TNC: variants seen among roughly 807,000 people sequenced by gnomAD.
TNC encodes tenascin.
In TNC, 109 loss-of-function variants were observed where a neutral mutation model predicts 202.4. The ratio of observed to expected loss-of-function variants is 0.54; its 90% confidence interval spans 0.46 to 0.63. The LOEUF (loss-of-function observed/expected upper bound fraction) is 0.63, where lower values mean the gene tolerates loss of function less well. Ranked by LOEUF, TNC falls within the 30% of genes least tolerant of loss-of-function variation. TNC has a pLI of 0.00. For synonymous variants in TNC, 1,007 were observed against 1,089.7 expected (o/e 0.92, Z 1.50); for missense variants, 2,756 against 2,833.3 (o/e 0.97, Z 0.62).
intron 26 of TNC, 136 bp downstream of exon 26, chr9:115,026,398 C>T (rs993060305): frequency 2.1e-6 from 2 of 941,974 alleles, no homozygotes; most frequent in African/African-American, 1.6e-5. Flanking sequence ...GATTGGCACT[C>T]AGTAGGTACT....
At chr9:115,035,114 A>T in intron 22 of TNC, 90 bp downstream of exon 22, 2 of 1,428,940 alleles carry the variant, frequency 1.4e-6, no homozygotes, top group Non-Finnish European at 1.9e-6. Context: ...GCACTGGGGT[A>T]GAAAAACAGC....
Position 115,077,935 on chromosome 9 carries a change from C to A in TNC, c.2674+8G>T. On this transcript the variant is annotated splice_region_variant and intron_variant, in intron 7 of 27. Coordinates refer to ENST00000350763, the MANE Select transcript of TNC (RefSeq NM_002160.4). ...TACTATATCTGTTAACAGGGGGAGG[C>A]CTTTTACCTGTTGTGAAGGTCTCTT... 1 of 1,612,904 alleles carries A rather than the reference C, an allele frequency of 6.2e-7. No homozygotes were observed. Among genetic ancestry groups the A allele is most frequent in the African/African-American group, 1.3e-5 (1 of 74,996 alleles).
At chr9:115,106,419 A>G (rs59939445) in intron 1 of TNC, among the ~76,000 whole-genome samples, 1 of 152,232 alleles carries the variant, frequency 6.6e-6, no homozygotes, top group Non-Finnish European at 1.5e-5. Flanking sequence ...TCTACTAACT[A>G]TCAGAGAGAA....
Position 115,064,735 on chromosome 9 carries a change from G to A in TNC, c.3399C>T (p.Gly1133=). 1 of 1,614,150 alleles carries A rather than the reference G, an allele frequency of 6.2e-7. No homozygotes were observed. Among genetic ancestry groups the A allele is most frequent in the Non-Finnish European group, 8.5e-7 (1 of 1,180,030 alleles). The change falls in exon 11 of 28, where the codon GGC becomes GGT. Residue 1133 remains glycine (G), a synonymous_variant. Coordinates refer to ENST00000350763, the MANE Select transcript of TNC (RefSeq NM_002160.4). The part of the protein sequence containing the change: ...PGSLRAVDIP[G]LKAATPYTVS... ...CTGTATAAGGCGTAGCAGCCTTGAGGCCCGGTATGTCCACAGCCCGAAGGC... is the reference window on the plus strand; with the variant it reads ...CTGTATAAGGCGTAGCAGCCTTGAGACCCGGTATGTCCACAGCCCGAAGGC...
chr9:115,046,669 T>C lies in TNC; in HGVS notation c.4866A>G (p.Glu1622=), dbSNP rs1281657916. 2.5e-6 allele frequency: 4 copies of C among 1,612,892 alleles called. No individual in the cohort carries two copies. Among genetic ancestry groups the C allele is most frequent in the South Asian group, 1.1e-5 (1 of 91,028 alleles). The stretch of plus-strand genomic sequence containing the variant: ...CATCTGAAACCAGAAGGTTGTCAAC[T>C]TCCGGTTCGGCTTCTAGAGGGAGAG... The part of the protein sequence containing the change: ...RAEIVTEAEP[E]VDNLLVSDAT... The change falls in exon 17 of 28, where the codon GAA becomes GAG. Residue 1622 remains glutamate, a synonymous_variant. Transcript: ENST00000350763.
chr9:115,037,360 A>C (rs1255401876), intron 20 of TNC, among the ~76,000 whole-genome samples: 1 of 152,196 alleles, frequency 6.6e-6, no homozygotes. Flanking sequence ...GGAGGGGTTC[A>C]TTGAAAAGCA....
rs145931149 is a variant in TNC at position 115,073,738 on chromosome 9, C to A, written c.3079G>T (p.Val1027Leu). The A allele has an allele frequency of 1.3e-5, 21 of 1,614,064 alleles. No individual in the cohort carries two copies. In the African/African-American group the frequency reaches 2.5e-4, roughly 19 times the overall value. ...GTGTTTCTTGGAAGCTGCACTCCCA[C>A]CCACTGGCCTGTGGGGAGACTGTAA... ...LNYSLPTGQW[V>L]GVQLPRNTTS... Residue 1027 changes from valine (V) to leucine (L), a missense_variant, in exon 10 of 28, where the codon GTG becomes TTG. Val to Leu is a conservative substitution (Grantham distance 32). Coordinates refer to ENST00000350763, the MANE Select transcript of TNC (RefSeq NM_002160.4).
chr9:115,060,068 C>T (rs781638698), intron 13 of TNC, 66 bp from the exon 14 acceptor site: 22 of 1,451,366 alleles, frequency 1.5e-5, no homozygotes, highest in Non-Finnish European at 1.8e-5. Context: ...AAACATCCCA[C>T]AGCCCAACTC....
intron 22 of TNC, among the ~76,000 whole-genome samples, chr9:115,034,136 G>T (rs114769369): frequency 5.3e-5 from 8 of 152,212 alleles, no homozygotes; most frequent in Non-Finnish European, 1.2e-4. Context: ...CTCTGGAAAG[G>T]TTGAGCCAGA....
At chr9:115,069,119 G>C (rs1338664590) in intron 10 of TNC, among the ~76,000 whole-genome samples, 1 of 152,204 alleles carries the variant, frequency 6.6e-6, no homozygotes, top group Admixed American at 6.5e-5. Flanking sequence ...ATAAATTTCA[G>C]TTTGGTCTGT....
chr9:115,064,090 G>C (rs373643292), intron 11 of TNC, 22 bp from the exon 12 acceptor site: 3 of 1,575,254 alleles, frequency 1.9e-6, no homozygotes, highest in Non-Finnish European at 2.6e-6. Context: ...CAAAGAACTA[G>C]TTTAGTGATC....
Position 115,077,970 on chromosome 9 carries a change from T to A in TNC, c.2647A>T (p.Asn883Tyr). ...LISRRGDMSS[N>Y]PAKETFTTGL... ...GTTGTGAAGGTCTCTTTGGCTGGGT[T>A]GCTTGACATGTCACCTCTGCGGGAG... Residue 883 changes from asparagine to tyrosine, a missense_variant, in exon 7 of 28, where the codon AAC becomes TAC. This residue lies in a region of TNC where 2,559 missense variants were observed against 2,546.0 expected (regional missense o/e 1.01). Transcript: ENST00000350763. 1.2e-6 allele frequency: 2 copies of A among 1,614,216 alleles called. No individual in the cohort carries two copies. The highest frequency in any genetic ancestry group is 1.7e-6 in the Non-Finnish European group (2 of 1,180,010).
chr9:115,037,562 C>A (rs956873388), intron 20 of TNC, among the ~76,000 whole-genome samples: 4 of 152,182 alleles, frequency 2.6e-5, no homozygotes, highest in Non-Finnish European at 4.4e-5. Context: ...GAGCCTCCCT[C>A]TCTCACCCAG....
At chr9:115,110,729 T>A (rs1342490763) in intron 1 of TNC, among the ~76,000 whole-genome samples, 2 of 152,176 alleles carry the variant, frequency 1.3e-5, no homozygotes, top group Non-Finnish European at 2.9e-5. Context: ...ACATTTGGAA[T>A]CATTGCCGTG....
chr9:115,063,716 T>G lies in TNC; in HGVS notation c.3760+80A>C. ...CCAATGTGGTAGGAGCTGATCCCAG[T>G]TTAAAGCAAGAAAGTGCTTTGATTC... On this transcript the variant is annotated intron_variant, in intron 12 of 27. Transcript: ENST00000350763. 2.0e-6 allele frequency: 3 copies of G among 1,476,978 alleles called. No homozygotes were observed. The East Asian group carries it at 6.8e-5, about 34-fold the overall frequency. The allele number at this position is 1,476,978 out of a possible 1,614,324, so 91.5% of individuals were successfully genotyped here.
intron 15 of TNC, among the ~76,000 whole-genome samples, chr9:115,049,781 G>C (rs1831508195): frequency 6.6e-6 from 1 of 151,742 alleles, no homozygotes; most frequent in Admixed American, 6.6e-5. Flanking sequence ...AACTTACAAA[G>C]AGATAAATGC....
At chr9:115,104,317 G>A (rs546810309) in intron 1 of TNC, among the ~76,000 whole-genome samples, 1 of 152,296 alleles carries the variant, frequency 6.6e-6, no homozygotes, top group South Asian at 2.1e-4. Flanking sequence ...AGGAAGAACC[G>A]ATTACAGACA....
intron 2 of TNC, among the ~76,000 whole-genome samples, chr9:115,089,229 G>A (rs1835024723): frequency 6.6e-6 from 1 of 152,186 alleles, no homozygotes; most frequent in Non-Finnish European, 1.5e-5. Flanking sequence ...ATTTCACTTA[G>A]GGTGGTTAGG....
At chr9:115,033,366 G>T (rs1470627823) in intron 22 of TNC, among the ~76,000 whole-genome samples, 1 of 152,032 alleles carries the variant, frequency 6.6e-6, no homozygotes, top group African/African-American at 2.4e-5. Context: ...GATAAAGCTG[G>T]GTTCATTGAA....
Sources: allele counts gnomAD v4.1 joint callset (sites outside exome capture counted in the v4.1 genomes callset), GRCh38; gene constraint gnomAD v4.1.1; regional missense constraint gnomAD v4.1.1; transcripts MANE v1.5; gene names NCBI Gene and HGNC (gene_info 2026-07-23, HGNC 2026-07-21).